APPBP2: variants seen among roughly 807,000 people sequenced by gnomAD.
The protein encoded by APPBP2 is amyloid beta precursor protein binding protein 2.
A neutral mutation model predicts 76.0 loss-of-function variants in APPBP2; 15 were observed. The ratio of observed to expected loss-of-function variants is 0.20; its 90% CI spans 0.13 to 0.30. APPBP2 has a LOEUF of 0.30. Among genes scored for constraint, APPBP2 ranks in the 10% least tolerant of loss-of-function variants. APPBP2 has a pLI of 1.00. For synonymous variants in APPBP2, 222 were observed against 242.2 expected (o/e 0.92, Z 0.77); for missense variants, 401 against 687.2 (o/e 0.58, Z 4.66).
At position 60,451,920 on chromosome 17, in the gene APPBP2, A is replaced by G; in HGVS notation, c.1464T>C (p.Tyr488=). 1 of 1,612,934 alleles carries G rather than the reference A, an allele frequency of 6.2e-7. No homozygotes were observed. Among genetic ancestry groups the G allele is most frequent in the Non-Finnish European group, 8.5e-7 (1 of 1,179,626 alleles). The change falls in exon 12 of 13, where the codon TAT becomes TAC. Residue 488 remains tyrosine (Y), a synonymous_variant. Transcript: ENST00000083182. ...ASLYNYDMNQ[Y]ENAEKLYLRS... ...GCAAATAAAGTTTCTCAGCATTTTC[A>G]TACTGATTCATGTCATAATTATATA...
intron 1 of APPBP2, among the ~76,000 whole-genome samples, chr17:60,516,698 T>A (rs548532916): frequency 6.6e-6 from 1 of 152,228 alleles, no homozygotes; most frequent in Non-Finnish European, 1.5e-5. Context: ...AGTGTATATA[T>A]CTTGAAGTAG....
chr17:60,516,601 C>T (rs1317325410), intron 1 of APPBP2, among the ~76,000 whole-genome samples: 1 of 152,192 alleles, frequency 6.6e-6, no homozygotes, highest in Non-Finnish European at 1.5e-5. Context: ...GACTATCCCA[C>T]TATTTATTAA....
intron 1 of APPBP2, among the ~76,000 whole-genome samples, chr17:60,523,073 G>A (rs1292309302): frequency 6.6e-6 from 1 of 151,730 alleles, no homozygotes; most frequent in East Asian, 1.9e-4. Context: ...AGCAGAATGG[G>A]GAAATTTGAT....
chr17:60,457,980 G>C (rs11657090), intron 9 of APPBP2, among the ~76,000 whole-genome samples: 2,466 of 142,146 alleles, frequency 0.017, 32 homozygotes, highest in Non-Finnish European at 0.025. Flanking sequence ...CCCCAGCCTA[G>C]ATAACATCAA....
Position 60,494,552 on chromosome 17 carries a change from GC to G in APPBP2, c.292del (p.Ala98ProfsTer11). ...AGAGCACCGCCTACTGAATGAGTAG[GC>G]CAAGACTGAAGCAACTTTAACACCA... ...DHGVKVASVL[A>X]YSFSRRCSYI... On this transcript the variant is annotated frameshift_variant, in exon 3 of 13. Coordinates refer to ENST00000083182, the MANE Select transcript of APPBP2 (RefSeq NM_006380.5). LOFTEE classifies it high-confidence loss of function. The G allele has an allele frequency of 1.2e-6, 2 of 1,612,054 alleles. No homozygotes were observed. Among genetic ancestry groups the G allele is most frequent in the Non-Finnish European group, 1.7e-6 (2 of 1,179,664 alleles).
At chr17:60,495,439 A>ATTATTTATTTATTTAT in intron 2 of APPBP2, among the ~76,000 whole-genome samples, 1 of 136,612 alleles carries the variant, frequency 7.3e-6, no homozygotes, top group Non-Finnish European at 1.5e-5. Flanking sequence ...TTATTTATTT[A>ATTATTTATTTATTTAT]TTATTTATTT....
At chr17:60,473,887 T>A (rs1156557051) in intron 4 of APPBP2, among the ~76,000 whole-genome samples, 1 of 152,212 alleles carries the variant, frequency 6.6e-6, no homozygotes, top group Admixed American at 6.5e-5. Context: ...GACAGCTTTT[T>A]AGAGTAAAAC....
At chr17:60,512,832 TAAAAAA>T (rs770075935) in intron 1 of APPBP2, among the ~76,000 whole-genome samples, 13 of 29,926 alleles carry the variant, frequency 4.3e-4, no homozygotes, top group Non-Finnish European at 6.3e-4. Flanking sequence ...AGACTCCATC[TAAAAAA>T]AAAAAAAAAA....
At position 60,446,886 on chromosome 17, in the gene APPBP2, G is replaced by C. The variant is rs1300596785; in HGVS notation, c.*695C>G. On this transcript the variant is annotated 3_prime_UTR_variant, in exon 13 of 13. Coordinates refer to ENST00000083182, the MANE Select transcript of APPBP2 (RefSeq NM_006380.5). ...TTTTTAGATCCTCCTGGTCCTGTTA[G>C]CAAATGCTATCAGAGCATCTTGCAT... 1 of 152,014 alleles carries C rather than the reference G, an allele frequency of 6.6e-6. No homozygotes were observed. The highest frequency in any genetic ancestry group is 2.1e-4 in the South Asian group (1 of 4,814). The allele number at this position is 152,014 out of a possible 1,614,324, so 9.4% of individuals were successfully genotyped here.
At chr17:60,498,949 TATA>T (rs1197526271) in intron 2 of APPBP2, among the ~76,000 whole-genome samples, 1 of 152,184 alleles carries the variant, frequency 6.6e-6, no homozygotes, top group Non-Finnish European at 1.5e-5. Context: ...AATTTTCTGA[TATA>T]ATCATATTTA....
intron 2 of APPBP2, among the ~76,000 whole-genome samples, chr17:60,495,433 TTATTTA>T (rs200794802): frequency 0.031 from 3,777 of 122,230 alleles, 162 homozygotes; most frequent in African/African-American, 0.14. Context: ...AATATTTTAT[TTATTTA>T]TTATTTATTT....
At chr17:60,467,950 T>G (rs1173015606) in intron 4 of APPBP2, among the ~76,000 whole-genome samples, 1 of 152,116 alleles carries the variant, frequency 6.6e-6, no homozygotes, top group African/African-American at 2.4e-5. Flanking sequence ...AAGGGAGAGA[T>G]AAGCAAGATT....
At chr17:60,465,947 T>C (rs754414653) in intron 5 of APPBP2, among the ~76,000 whole-genome samples, 3 of 152,120 alleles carry the variant, frequency 2.0e-5, no homozygotes, top group Admixed American at 6.5e-5. Flanking sequence ...GGGATCCTCC[T>C]GCCTCAGCCT....
chr17:60,463,229 G>C (rs1783909687), intron 6 of APPBP2, among the ~76,000 whole-genome samples: 2 of 152,146 alleles, frequency 1.3e-5, no homozygotes, highest in Non-Finnish European at 2.9e-5. Flanking sequence ...ATTCAAATCT[G>C]AGAAACTTCA....
chr17:60,485,083 T>C (rs1433119936), intron 3 of APPBP2, among the ~76,000 whole-genome samples: 1 of 152,218 alleles, frequency 6.6e-6, no homozygotes, highest in Non-Finnish European at 1.5e-5. Context: ...ATAAGCTTTT[T>C]GATGTGCTGC....
chr17:60,452,477 T>C (rs751223694), intron 11 of APPBP2, among the ~76,000 whole-genome samples: 6 of 152,238 alleles, frequency 3.9e-5, no homozygotes, highest in Non-Finnish European at 5.9e-5. Context: ...TTAATTTACA[T>C]GGGCATACAC....
intron 3 of APPBP2, among the ~76,000 whole-genome samples, chr17:60,482,233 T>A (rs987388130): frequency 6.6e-6 from 1 of 152,192 alleles, no homozygotes; most frequent in Non-Finnish European, 1.5e-5. Context: ...TCCTTGACTA[T>A]AAGCATCAAA....
intron 3 of APPBP2, among the ~76,000 whole-genome samples, chr17:60,480,271 G>A (rs1433402707): frequency 1.3e-5 from 2 of 152,156 alleles, no homozygotes; most frequent in Non-Finnish European, 2.9e-5. Flanking sequence ...TACTCAGGAG[G>A]CTGGGGTGGG....
intron 1 of APPBP2, among the ~76,000 whole-genome samples, chr17:60,518,932 G>C (rs1227869566): frequency 2.0e-5 from 3 of 152,162 alleles, no homozygotes; most frequent in African/African-American, 7.2e-5. Flanking sequence ...AAGAGGTAAA[G>C]ATAGATTTTA....
Sources: allele counts gnomAD v4.1 joint callset (sites outside exome capture counted in the v4.1 genomes callset), GRCh38; gene constraint gnomAD v4.1.1; transcripts MANE v1.5; gene names NCBI Gene and HGNC (gene_info 2026-07-23, HGNC 2026-07-21).